The following NCOR2 variants were observed in gnomAD, a reference collection of about 807,000 sequenced individuals.
The protein encoded by NCOR2 is nuclear receptor corepressor 2.
A neutral mutation model predicts 262.9 loss-of-function variants in NCOR2; 81 were observed. The observed-to-expected ratio is 0.31, with a 90% CI of 0.26 to 0.37. The LOEUF (loss-of-function observed/expected upper bound fraction) is 0.37, where lower values mean the gene tolerates loss of function less well. NCOR2 is among the 10% of genes least tolerant of loss of function. The pLI is 1.00. For missense variants in NCOR2, 3,385 were observed against 3,621.4 expected, an observed-to-expected ratio of 0.93 and a Z score of 1.68; for synonymous variants, 1,659 against 1,559.3, an observed-to-expected ratio of 1.06 and a Z score of -1.51.
In NCOR2 at chr12:124,423,329, G is replaced by A. The variant is rs376515246; in HGVS notation, c.1329-774C>T. ...GACGTGCCACAGCCCCACAGCCTTC[G>A]CAGGGAGAGCAGCGGCTGGCTGCTA... On this transcript the variant is annotated intron_variant, in intron 11 of 46. Transcript: ENST00000405201. Among the ~76,000 whole-genome samples, 12 of 152,338 alleles carry A rather than the reference G, an allele frequency of 7.9e-5. No individual in the cohort carries two copies. The East Asian group carries it at 2.1e-3, about 27-fold the overall frequency.
chr12:124,538,081 C>G (rs2051169826), upstream of NCOR2: 1 of 152,374 alleles, frequency 6.6e-6, no homozygotes. Flanking sequence ...CCCTGGGCAC[C>G]AAGAAGCTCT....
chr12:124,358,668 A>C (rs1308359306), intron 22 of NCOR2, among the ~76,000 whole-genome samples: 7 of 152,220 alleles, frequency 4.6e-5, no homozygotes, highest in Non-Finnish European at 7.3e-5. Context: ...GCAAATACTT[A>C]GCCGAGTCAG....
chr12:124,488,885 G>A (rs1189311146), intron 1 of NCOR2, among the ~76,000 whole-genome samples: 2 of 152,034 alleles, frequency 1.3e-5, no homozygotes, highest in Non-Finnish European at 2.9e-5. Context: ...GTGGGGGCTG[G>A]GGAGGCCTCT....
chr12:124,480,201 A>C (rs1028679501), intron 3 of NCOR2, among the ~76,000 whole-genome samples: 2 of 151,930 alleles, frequency 1.3e-5, no homozygotes, highest in Non-Finnish European at 2.9e-5. Context: ...CCCACCGCCC[A>C]CCCCTACTCC....
At chr12:124,550,142 C>A (rs1445760048) in intron 1 of NCOR2, among the ~76,000 whole-genome samples, 1 of 132,044 alleles carries the variant, frequency 7.6e-6, no homozygotes, top group Non-Finnish European at 1.6e-5. Flanking sequence ...CCCAGAGCAG[C>A]CCCTGCAACA....
chr12:124,522,590 G>A (rs1473733917), intron 1 of NCOR2, among the ~76,000 whole-genome samples: 2 of 152,208 alleles, frequency 1.3e-5, no homozygotes, highest in African/African-American at 4.8e-5. Context: ...AGTGACATCT[G>A]CGAAGACCTG....
intron 1 of NCOR2, among the ~76,000 whole-genome samples, chr12:124,524,411 C>T (rs531091583): frequency 1.3e-5 from 2 of 152,324 alleles, no homozygotes; most frequent in South Asian, 2.1e-4. Flanking sequence ...AAACAAATGT[C>T]GAGGACCTCA....
At position 124,548,195 on chromosome 12, in the gene NCOR2, G is replaced by A. The variant is rs533817929; in HGVS notation, c.-164-12584C>T. 1.9e-3 allele frequency among the ~76,000 whole-genome samples: 290 copies of A among 152,294 alleles called. 2 individuals are homozygous for A. The highest frequency in any genetic ancestry group is 6.6e-3 in the African/African-American group (273 of 41,564). On this transcript the variant is annotated intron_variant, in intron 1 of 32. Transcript: ENST00000458234. The surrounding 1 kb of genome is among the most constrained non-coding windows in gnomAD (Gnocchi z 5.1). ...GAGCTGGGACCTGAATGGCAGCAAGGAGCCAGCTGTGTCAATATGCAGGGA... is the reference window on the plus strand; with the variant it reads ...GAGCTGGGACCTGAATGGCAGCAAGAAGCCAGCTGTGTCAATATGCAGGGA...
At chr12:124,354,290 A>C in intron 26 of NCOR2, 94 bp from the exon 29 acceptor site, 1 of 1,330,906 alleles carries the variant, frequency 7.5e-7, no homozygotes, top group Non-Finnish European at 1.0e-6. Flanking sequence ...AGAGACCCAC[A>C]AGTTGTGCTA....
rs1478819677 is a variant in NCOR2 at position 124,531,405 on chromosome 12, C to T, written c.-118+4160G>A. On this transcript the variant is annotated intron_variant, in intron 1 of 46. Transcript: ENST00000404621. The surrounding 1 kb of genome is among the most constrained non-coding windows in gnomAD (Gnocchi z 4.5). ...ATTAGCGGGCGGCCGCAGGCAGACACGCTCAACTGTCAGCCTCCTCCTCTC... is the reference window on the plus strand; with the variant it reads ...ATTAGCGGGCGGCCGCAGGCAGACATGCTCAACTGTCAGCCTCCTCCTCTC... Among the ~76,000 whole-genome samples, 2 of 152,140 alleles carry T rather than the reference C, an allele frequency of 1.3e-5. No individual in the cohort carries two copies. The highest frequency in any genetic ancestry group is 2.1e-4 in the South Asian group (1 of 4,822).
At chr12:124,385,668 CAG>C in intron 17 of NCOR2, 75 bp downstream of exon 19, 1 of 1,567,300 alleles carries the variant, frequency 6.4e-7, no homozygotes, top group Non-Finnish European at 8.6e-7. Flanking sequence ...TCCTGGGGTG[CAG>C]AGACATCTCC....
Position 124,388,865 on chromosome 12 carries a change from T to TGAGG in NCOR2, c.1877-2982_1877-2979dup, listed in dbSNP as rs6144913. On this transcript the variant is annotated intron_variant, in intron 16 of 46. Coordinates refer to ENST00000405201, the Ensembl canonical transcript of NCOR2. ...CCTCACATCCTTCTCCGTCCCACGG[T>TGAGG]GAGGGAGGGAGGGAGGGAGGGAGGG... 83 of 379,650 alleles carry TGAGG rather than the reference T, an allele frequency of 2.2e-4. 1 individual carries two copies. The highest frequency in any genetic ancestry group is 2.5e-3 in the Middle Eastern group (2 of 804). 23.5% of individuals were successfully genotyped at this position (379,650 alleles called of 1,614,324 possible).
intron 5 of NCOR2, among the ~76,000 whole-genome samples, chr12:124,464,026 C>T (rs1486439983): frequency 2.0e-5 from 3 of 152,232 alleles, no homozygotes; most frequent in Admixed American, 6.5e-5. Flanking sequence ...CCTGCCCTTA[C>T]GGAGTTTCCA....
chr12:124,331,074 T>G (rs1458832360), intron 43 of NCOR2, among the ~76,000 whole-genome samples, 176 bp from the exon 46 acceptor site: 1 of 151,338 alleles, frequency 6.6e-6, no homozygotes, highest in Non-Finnish European at 1.5e-5. Context: ...TTTTTTTTTT[T>G]TTTTTTGAGA....
At chr12:124,507,080 G>A (rs375654596) in intron 1 of NCOR2, among the ~76,000 whole-genome samples, 10 of 152,334 alleles carry the variant, frequency 6.6e-5, no homozygotes, top group Admixed American at 3.9e-4. Context: ...ATTATGCTGA[G>A]TGACAGAAGC....
At chr12:124,429,274 G>A in intron 10 of NCOR2, 1 of 322,542 alleles carries the variant, frequency 3.1e-6, no homozygotes, top group Non-Finnish European at 5.9e-6. Context: ...TCAGCCAATG[G>A]GAAGTTCCAA....
upstream of NCOR2, among the ~76,000 whole-genome samples, chr12:124,497,393 C>A (rs2048433618): frequency 6.6e-6 from 1 of 152,194 alleles, no homozygotes; most frequent in African/African-American, 2.4e-5. The surrounding 1 kb of genome is among the most constrained non-coding windows in gnomAD (Gnocchi z 4.2). Flanking sequence ...AAGTCACTTG[C>A]CCTCTCTGAA....
chr12:124,334,392 A>C (rs1447042122), intron 41 of NCOR2, 32 bp downstream of exon 43: 1 of 1,491,758 alleles, frequency 6.7e-7, no homozygotes, highest in African/African-American at 1.4e-5. Flanking sequence ...CCGCCGGCTG[A>C]CCAGCAAGAG....
At chr12:124,497,909 C>T (rs932797440), upstream of NCOR2, among the ~76,000 whole-genome samples, 1 of 152,344 alleles carries the variant, frequency 6.6e-6, no homozygotes, top group South Asian at 2.1e-4. The surrounding 1 kb of genome is among the most constrained non-coding windows in gnomAD (Gnocchi z 4.2). Context: ...AAACAAGAGT[C>T]TGGCCCTGGG....
Sources: gnomAD v4.1 joint callset for allele counts (sites outside exome capture counted in the v4.1 genomes callset) on GRCh38, gnomAD v4.1.1 for gene constraint, Gnocchi (gnomAD v3.1) non-coding constraint, MANE v1.5 for transcripts, NCBI Gene and HGNC (gene_info 2026-07-23, HGNC 2026-07-21) for gene names.